TNPO1: variants seen among roughly 807,000 people sequenced by gnomAD.
TNPO1 encodes transportin-1.
A neutral mutation model predicts 119.5 loss-of-function variants in TNPO1; 8 were observed. That is an observed-to-expected ratio of 0.07 (90% CI 0.04 to 0.12). The LOEUF is 0.12. Among genes scored for constraint, TNPO1 ranks in the 10% least tolerant of loss-of-function variants. TNPO1 has a pLI of 1.00. For synonymous variants in TNPO1, 362 were observed against 363.0 expected, an observed-to-expected ratio of 1.00 and a Z score of 0.03; for missense variants, 576 against 1,089.8, an observed-to-expected ratio of 0.53 and a Z score of 6.64.
intron 9 of TNPO1, among the ~76,000 whole-genome samples, chr5:72,877,768 T>C (rs747806987): frequency 1.3e-5 from 2 of 152,142 alleles, no homozygotes; most frequent in African/African-American, 2.4e-5. Context: ...TAAAGTAATA[T>C]AAGCTCGTGG....
chr5:72,877,388 T>G, intron 9 of TNPO1, 42 bp downstream of exon 9: 1 of 895,512 alleles, frequency 1.1e-6, no homozygotes, highest in Non-Finnish European at 1.7e-6. Flanking sequence ...TTCTTTAATT[T>G]CTTAAGTGAT....
At chr5:72,823,077 G>C (rs949167546) in intron 1 of TNPO1, among the ~76,000 whole-genome samples, 1 of 151,882 alleles carries the variant, frequency 6.6e-6, no homozygotes, top group African/African-American at 2.4e-5. Context: ...ACCATTCTTA[G>C]ATGTTGCTTT....
intron 1 of TNPO1, among the ~76,000 whole-genome samples, chr5:72,829,206 A>C (rs1290868983): frequency 1.3e-5 from 2 of 152,252 alleles, no homozygotes; most frequent in East Asian, 3.8e-4. Context: ...TTGGAACCAC[A>C]AGTGCTTCAG....
In TNPO1 at chr5:72,871,793, TA is replaced by T. The variant is rs914462932; in HGVS notation, c.597-845del. On this transcript the variant is annotated intron_variant, in intron 6 of 24. Transcript: ENST00000337273. ...GTAGCAGCATAATGGGAATTGAAGT[TA>T]GGGGGTAAGGGAGGAGCCACAGTAT... 1.1e-3 allele frequency: 164 copies of T among 152,220 alleles called. 1 individual carries two copies. Among genetic ancestry groups the T allele is most frequent in the African/African-American group, 3.9e-3 (161 of 41,520 alleles). 9.4% of individuals were successfully genotyped at this position (152,220 alleles called of 1,614,324 possible). A position where few individuals can be genotyped will look rare whatever the true frequency, so the allele number is the denominator to read the frequency against.
rs549921591 is a variant in TNPO1 at position 72,869,586 on chromosome 5, G to A, written c.597-3053G>A. ...AGACAGTTTTACCTTATAAAAATAT[G>A]AGTTGAAGAAAGGCTAAAAATCAGA... On this transcript the variant is annotated intron_variant, in intron 6 of 24. Transcript: ENST00000337273. 1.8e-4 allele frequency among the ~76,000 whole-genome samples: 28 copies of A among 152,206 alleles called. 4 individuals are homozygous for A. The South Asian group carries it at 5.8e-3, about 32-fold the overall frequency.
intron 22 of TNPO1, 90 bp downstream of exon 22, chr5:72,901,163 A>G: frequency 2.5e-6 from 2 of 785,498 alleles, no homozygotes; most frequent in Non-Finnish European, 3.8e-6. Flanking sequence ...TAAAAAGTTA[A>G]CTATTTTCAA....
intron 24 of TNPO1, among the ~76,000 whole-genome samples, chr5:72,906,121 C>T (rs1177239589): frequency 6.6e-6 from 1 of 151,880 alleles, no homozygotes; most frequent in African/African-American, 2.4e-5. Flanking sequence ...AAATTGATTT[C>T]ATTTTGGAGC....
intron 2 of TNPO1, 126 bp downstream of exon 2, chr5:72,848,624 T>G: frequency 1.3e-5 from 5 of 381,874 alleles, no homozygotes; most frequent in South Asian, 1.3e-4. Flanking sequence ...ACCGGCCTCC[T>G]CCCTGGGTCC....
chr5:72,844,081 C>T (rs1300088159), intron 1 of TNPO1, among the ~76,000 whole-genome samples: 7 of 152,172 alleles, frequency 4.6e-5, no homozygotes, highest in Admixed American at 2.0e-4. Context: ...TTTGTTGAAT[C>T]GGACTCTGCC....
At chr5:72,885,549 G>A (rs566075592) in intron 11 of TNPO1, among the ~76,000 whole-genome samples, 2 of 152,276 alleles carry the variant, frequency 1.3e-5, no homozygotes, top group East Asian at 3.9e-4. Flanking sequence ...CAGATTATAT[G>A]TACTCTGCTG....
chr5:72,883,766 G>A (rs938941393), intron 11 of TNPO1, among the ~76,000 whole-genome samples: 1 of 151,962 alleles, frequency 6.6e-6, no homozygotes, highest in Non-Finnish European at 1.5e-5. Flanking sequence ...TTTTGAGGCA[G>A]GGTCTCTGTC....
intron 23 of TNPO1, among the ~76,000 whole-genome samples, chr5:72,904,527 G>C (rs1297363891): frequency 6.6e-6 from 1 of 152,184 alleles, no homozygotes; most frequent in Non-Finnish European, 1.5e-5. Context: ...CGGGCTCAGT[G>C]GCTCACACTT....
intron 7 of TNPO1, among the ~76,000 whole-genome samples, chr5:72,875,006 A>AAG (rs1187519926): frequency 8.5e-5 from 13 of 152,182 alleles, no homozygotes; most frequent in Admixed American, 4.6e-4. Context: ...TCTGCTGGTT[A>AAG]TCAAGTTACT....
intron 1 of TNPO1, among the ~76,000 whole-genome samples, chr5:72,843,159 T>C (rs1019166617): frequency 6.6e-6 from 1 of 152,220 alleles, no homozygotes; most frequent in Non-Finnish European, 1.5e-5. Flanking sequence ...CCTAGCTTTG[T>C]ATGACTTGTA....
At chr5:72,822,084 G>A (rs1474013688) in intron 1 of TNPO1, among the ~76,000 whole-genome samples, 1 of 152,174 alleles carries the variant, frequency 6.6e-6, no homozygotes, top group Non-Finnish European at 1.5e-5. Flanking sequence ...AACCTACTGA[G>A]CCTTATGTCA....
chr5:72,905,418 C>T lies in TNPO1; in HGVS notation c.*8C>T, dbSNP rs780660549. The T allele has an allele frequency of 1.4e-5, 22 of 1,576,318 alleles. No homozygotes were observed. In the Middle Eastern group the frequency reaches 7.0e-4, roughly 50 times the overall value. ...GCTTTTTATGGTGTTTAATCTAATA[C>T]ACTTAAGCTGCAGTCCCAAAATTAG... On this transcript the variant is annotated 3_prime_UTR_variant, in exon 24 of 25. Transcript: ENST00000337273.
intron 2 of TNPO1, among the ~76,000 whole-genome samples, chr5:72,850,920 T>C (rs534537723): frequency 2.0e-5 from 3 of 152,342 alleles, no homozygotes; most frequent in Admixed American, 6.5e-5. Flanking sequence ...AATACCTTTC[T>C]ATTTAGAATG....
intron 2 of TNPO1, 122 bp from the exon 3 acceptor site, chr5:72,851,122 G>C (rs1170123436): frequency 6.1e-6 from 4 of 659,308 alleles, no homozygotes; most frequent in East Asian, 2.8e-5. Flanking sequence ...CTTATTCTTA[G>C]TTTAAAAAAA....
At chr5:72,886,875 C>T (rs1421026023) in intron 11 of TNPO1, among the ~76,000 whole-genome samples, 195 bp from the exon 12 acceptor site, 6 of 83,728 alleles carry the variant, frequency 7.2e-5, no homozygotes, top group Admixed American at 2.1e-4. Flanking sequence ...AGCGACAGAA[C>T]AAGACTCCAT....
Sources: gnomAD v4.1 joint callset for allele counts (sites outside exome capture counted in the v4.1 genomes callset) on GRCh38, gnomAD v4.1.1 for gene constraint, MANE v1.5 for transcripts, NCBI Gene and HGNC (gene_info 2026-07-23, HGNC 2026-07-21) for gene names.